Variants in SNX29 observed in about 807,000 individuals in gnomAD.
SNX29 encodes sorting nexin 29.
In SNX29, 78 loss-of-function variants were observed where a neutral mutation model predicts 102.1. The ratio of observed to expected loss-of-function variants is 0.76; its 90% CI spans 0.64 to 0.92. The LOEUF (loss-of-function observed/expected upper bound fraction) is 0.92, where lower values mean the gene tolerates loss of function less well. Among genes scored for constraint, SNX29 ranks in the 40% least tolerant of loss-of-function variants. The pLI is 0.00. For synonymous variants in SNX29, 580 were observed against 414.5 expected (o/e 1.40, Z -4.85); for missense variants, 1,280 against 1,061.7 (o/e 1.21, Z -2.86).
At chr16:12,382,151 A>C (rs564253012) in intron 16 of SNX29, among the ~76,000 whole-genome samples, 4 of 152,272 alleles carry the variant, frequency 2.6e-5, no homozygotes, top group South Asian at 4.1e-4. Flanking sequence ...TCATTCATTC[A>C]GGAGGTATTT....
At chr16:12,064,314 C>G (rs1284360731) in intron 9 of SNX29, among the ~76,000 whole-genome samples, 2 of 152,176 alleles carry the variant, frequency 1.3e-5, no homozygotes, top group Non-Finnish European at 2.9e-5. Context: ...CAGAGCTCTT[C>G]CTGCTCTTCT....
At position 12,540,566 on chromosome 16, in the gene SNX29, T is replaced by G. The variant is rs527638767; in HGVS notation, c.2318+15725T>G. Among the ~76,000 whole-genome samples, 47 of 152,338 alleles carry G rather than the reference T, an allele frequency of 3.1e-4. 1 individual carries two copies. The South Asian group carries it at 9.5e-3, about 31-fold the overall frequency. ...GGCAGCCACCCTATGCCATGGCCCC[T>G]TCTTTGCTTCCCAGCAATTACTCTG... is the stretch of plus-strand genomic sequence containing the variant. On this transcript the variant is annotated intron_variant, in intron 20 of 20. Coordinates refer to ENST00000566228, the MANE Select transcript of SNX29 (RefSeq NM_032167.5).
intron 16 of SNX29, among the ~76,000 whole-genome samples, chr16:12,390,661 G>A (rs1017249639): frequency 3.8e-4 from 57 of 151,978 alleles, no homozygotes; most frequent in African/African-American, 1.1e-3. Context: ...TGCCCTCAGC[G>A]GGTTTTCCAC....
At chr16:12,548,333 A>C (rs2077739684) in intron 20 of SNX29, among the ~76,000 whole-genome samples, 1 of 152,178 alleles carries the variant, frequency 6.6e-6, no homozygotes, top group South Asian at 2.1e-4. Context: ...TGGTGCCTCC[A>C]TGGGGAATGA....
chr16:12,149,625 G>A lies in SNX29; in HGVS notation c.1595+19867G>A, dbSNP rs1597047928. Among the ~76,000 whole-genome samples the A allele has an allele frequency of 2.0e-5, 3 of 152,242 alleles. No homozygotes were observed. The Middle Eastern group carries it at 0.01, about 518-fold the overall frequency. The stretch of plus-strand genomic sequence containing the variant: ...AAGCACTTGCTAGCATTGTGACCTT[G>A]GGCAAGTTACTGTACCTCTGTGAGC... On this transcript the variant is annotated intron_variant, in intron 13 of 20. Coordinates refer to ENST00000566228, the MANE Select transcript of SNX29 (RefSeq NM_032167.5).
At chr16:12,356,304 GTC>G (rs780802306) in intron 16 of SNX29, 25 bp downstream of exon 16, 2 of 1,563,610 alleles carry the variant, frequency 1.3e-6, no homozygotes, top group Non-Finnish European at 1.7e-6. Flanking sequence ...AACCCTGTGT[GTC>G]TGTCAAGCCT....
intron 16 of SNX29, among the ~76,000 whole-genome samples, chr16:12,385,680 A>C (rs1013625389): frequency 1.3e-5 from 2 of 152,238 alleles, no homozygotes; most frequent in Admixed American, 1.3e-4. Context: ...ACAAAGGAAA[A>C]GCGTGTGTGC....
rs148372233 is a variant in SNX29, at chr16:12,536,954, C to G, written c.2318+12113C>G. On this transcript the variant is annotated intron_variant, in intron 20 of 20. Coordinates refer to ENST00000566228, the MANE Select transcript of SNX29 (RefSeq NM_032167.5). ...TCACAGCACTGCACTCCAGCCTAGG[C>G]GACAGAGTGAGAGAGAACCCGTCTT... 5.9e-5 allele frequency among the ~76,000 whole-genome samples: 9 copies of G among 152,012 alleles called. No individual in the cohort carries two copies. In the East Asian group the frequency reaches 1.7e-3, roughly 29 times the overall value.
At chr16:12,525,481 T>G (rs1259035668) in intron 20 of SNX29, among the ~76,000 whole-genome samples, 1 of 152,132 alleles carries the variant, frequency 6.6e-6, no homozygotes. Flanking sequence ...GAGACCAGCA[T>G]GGCCAACATG....
chr16:12,411,891 G>C (rs1350624347), intron 18 of SNX29, among the ~76,000 whole-genome samples: 1 of 152,222 alleles, frequency 6.6e-6, no homozygotes, highest in Non-Finnish European at 1.5e-5. Context: ...CTTGTGATAA[G>C]CAATTAAGCC....
chr16:12,121,949 A>G (rs1190723538), intron 11 of SNX29, among the ~76,000 whole-genome samples: 2 of 151,964 alleles, frequency 1.3e-5, no homozygotes, highest in African/African-American at 4.8e-5. Context: ...CCGAGTACCC[A>G]GGACTACAGG....
chr16:12,359,740 A>G (rs775976264), intron 16 of SNX29, among the ~76,000 whole-genome samples: 7 of 152,236 alleles, frequency 4.6e-5, no homozygotes, highest in Non-Finnish European at 1.0e-4. Context: ...TGTATATCCA[A>G]TCCATCTTAT....
chr16:12,107,704 C>A (rs191229690), intron 11 of SNX29, among the ~76,000 whole-genome samples: 11 of 152,040 alleles, frequency 7.2e-5, no homozygotes, highest in Non-Finnish European at 1.5e-4. Context: ...ATCGAGGTGA[C>A]GAGTGGGTGG....
rs533492432 is a variant in SNX29 at position 12,211,312 on chromosome 16, C to T, written c.1678+11629C>T. Among the ~76,000 whole-genome samples the T allele has an allele frequency of 2.0e-5, 3 of 152,310 alleles. No individual in the cohort carries two copies. The East Asian group carries it at 5.8e-4, about 29-fold the overall frequency. On this transcript the variant is annotated intron_variant, in intron 14 of 20. Transcript: ENST00000566228. ...ATTCTGATACAGCCCAACCTTTTCC[C>T]ACAAGGCCTTGTAACCATCTAGAGA...
At chr16:12,164,676 A>G (rs1455656329) in intron 13 of SNX29, among the ~76,000 whole-genome samples, 1 of 121,564 alleles carries the variant, frequency 8.2e-6, no homozygotes. Flanking sequence ...GTGTTTATTC[A>G]TGCCTTTTTT....
intron 20 of SNX29, 81 bp from the exon 21 acceptor site, chr16:12,568,425 C>CA: frequency 6.4e-7 from 1 of 1,570,382 alleles, no homozygotes; most frequent in South Asian, 1.2e-5. Flanking sequence ...CTCCTGCCCT[C>CA]ACACCTGGCT....
chr16:12,058,811 T>G (rs1273603502), intron 8 of SNX29, among the ~76,000 whole-genome samples: 2 of 145,450 alleles, frequency 1.4e-5, no homozygotes, highest in African/African-American at 2.5e-5. Context: ...TTTTTTTTTT[T>G]TTTTTTTTTT....
intron 11 of SNX29, among the ~76,000 whole-genome samples, chr16:12,092,465 A>G (rs775244777): frequency 2.0e-5 from 3 of 152,204 alleles, no homozygotes; most frequent in African/African-American, 7.2e-5. Flanking sequence ...GCCTGGTAAT[A>G]TGAGTTGCTC....
intron 13 of SNX29, among the ~76,000 whole-genome samples, chr16:12,133,081 C>G (rs1026572837): frequency 1.3e-5 from 2 of 152,074 alleles, no homozygotes; most frequent in Non-Finnish European, 1.5e-5. Flanking sequence ...GAAGGTGAGG[C>G]TCATTGCGCC....
Sources: allele counts gnomAD v4.1 joint callset (sites outside exome capture counted in the v4.1 genomes callset), GRCh38; gene constraint gnomAD v4.1.1; transcripts MANE v1.5; gene names NCBI Gene and HGNC (gene_info 2026-07-23, HGNC 2026-07-21).